The following RAPGEF4 variants were observed in gnomAD, a reference collection of about 807,000 sequenced individuals.
RAPGEF4 encodes the protein RAP guanine-nucleotide-exchange factor (GEF) 4.
Under a neutral mutation model 147.9 loss-of-function variants are expected in RAPGEF4, and 66 were observed. That is an observed-to-expected ratio of 0.45 (90% CI 0.37 to 0.55). RAPGEF4 has a LOEUF of 0.55. Among genes scored for constraint, RAPGEF4 ranks in the 20% least tolerant of loss-of-function variants. The probability of loss-of-function intolerance (pLI) is 0.00; values close to 1 mark genes in which losing one functional copy is unlikely to be tolerated. For missense variants in RAPGEF4, 1,071 were observed against 1,257.3 expected (o/e 0.85, Z 2.24); for synonymous variants, 419 against 442.7 (o/e 0.95, Z 0.67).
intron 4 of RAPGEF4, among the ~76,000 whole-genome samples, chr2:172,823,532 G>A (rs1689321520): frequency 1.3e-5 from 2 of 152,188 alleles, no homozygotes; most frequent in African/African-American, 4.8e-5. Flanking sequence ...TGAGGACTGG[G>A]GGATACTGTT....
intron 3 of RAPGEF4, among the ~76,000 whole-genome samples, chr2:172,799,831 T>C (rs952032915): frequency 2.0e-5 from 3 of 152,164 alleles, no homozygotes; most frequent in African/African-American, 7.2e-5. Flanking sequence ...AAGGGGATGA[T>C]ACATAACACC....
intron 1 of RAPGEF4, among the ~76,000 whole-genome samples, chr2:172,769,781 A>T (rs187676981): frequency 5.3e-5 from 8 of 152,206 alleles, no homozygotes; most frequent in Non-Finnish European, 1.0e-4. Flanking sequence ...ATTTTAAAAT[A>T]TAAGTATGTT....
intron 4 of RAPGEF4, among the ~76,000 whole-genome samples, chr2:172,896,155 G>A (rs1241097933): frequency 6.6e-6 from 1 of 152,140 alleles, no homozygotes; most frequent in Admixed American, 6.5e-5. Flanking sequence ...ATAAGAAAAC[G>A]GAAGCTACTG....
At chr2:172,914,642 T>C (rs558945770) in intron 4 of RAPGEF4, among the ~76,000 whole-genome samples, 1 of 151,052 alleles carries the variant, frequency 6.6e-6, no homozygotes, top group East Asian at 1.9e-4. Context: ...GAAAGAAATA[T>C]AGAAAGAAAG....
intron 4 of RAPGEF4, among the ~76,000 whole-genome samples, chr2:172,875,783 G>T (rs1695845921): frequency 6.6e-6 from 1 of 152,200 alleles, no homozygotes; most frequent in Admixed American, 6.5e-5. Flanking sequence ...AGTGAAGAAA[G>T]TCATTGATGT....
intron 4 of RAPGEF4, among the ~76,000 whole-genome samples, chr2:172,895,437 G>A (rs1489198665): frequency 6.6e-6 from 1 of 151,914 alleles, no homozygotes; most frequent in East Asian, 1.9e-4. Flanking sequence ...ACTCTGCTTT[G>A]GGGAAAGATC....
At chr2:172,810,239 C>A (rs1396370099) in intron 3 of RAPGEF4, among the ~76,000 whole-genome samples, 1 of 152,190 alleles carries the variant, frequency 6.6e-6, no homozygotes, top group East Asian at 1.9e-4. Context: ...TTTGCTCAAC[C>A]TATAAAATAG....
intron 9 of RAPGEF4, among the ~76,000 whole-genome samples, chr2:172,966,513 T>A (rs1006301460): frequency 1.3e-5 from 2 of 152,184 alleles, no homozygotes; most frequent in Non-Finnish European, 2.9e-5. Context: ...CAGCAAGGGA[T>A]CTACTGCTTG....
chr2:173,045,813 G>C (rs2106075191), intron 29 of RAPGEF4, among the ~76,000 whole-genome samples: 1 of 152,302 alleles, frequency 6.6e-6, no homozygotes, highest in Middle Eastern at 3.4e-3. Context: ...CTGTTTATAG[G>C]CAGGCTGTAG....
intron 1 of RAPGEF4, among the ~76,000 whole-genome samples, chr2:172,751,999 C>G (rs1261311382): frequency 6.6e-6 from 1 of 152,246 alleles, no homozygotes; most frequent in East Asian, 1.9e-4. Flanking sequence ...TTAGTTTTTT[C>G]TGATAATAAT....
At chr2:172,823,283 C>T (rs564814586) in intron 4 of RAPGEF4, among the ~76,000 whole-genome samples, 45 of 152,348 alleles carry the variant, frequency 3.0e-4, no homozygotes, top group African/African-American at 1.1e-3. Flanking sequence ...GGCTGGGCTT[C>T]TTCACTCTGT....
intron 17 of RAPGEF4, among the ~76,000 whole-genome samples, chr2:173,011,210 G>A (rs1480551587): frequency 2.0e-5 from 2 of 99,654 alleles, no homozygotes; most frequent in Non-Finnish European, 4.6e-5. Context: ...ACACACACAC[G>A]GAATCTCTTT....
At position 172,814,697 on chromosome 2, in the gene RAPGEF4, G is replaced by A. The variant is rs1015417155; in HGVS notation, c.444+272G>A. 5 of 433,474 alleles carry A rather than the reference G, an allele frequency of 1.2e-5. No individual in the cohort carries two copies. In the East Asian group the frequency reaches 2.4e-4, roughly 20 times the overall value. 26.9% of individuals were successfully genotyped at this position (433,474 alleles called of 1,614,324 possible). On this transcript the variant is annotated intron_variant, in intron 4 of 30. Transcript: ENST00000397081. ...CTTGAATGACCATAGAGTGTTTTAT[G>A]TATTTTCTCCCTTCTTTTCCACAGA... is the stretch of plus-strand genomic sequence containing the variant.
intron 4 of RAPGEF4, among the ~76,000 whole-genome samples, chr2:172,823,121 C>T (rs193088480): frequency 1.1e-4 from 16 of 152,308 alleles, no homozygotes; most frequent in Non-Finnish European, 1.9e-4. Context: ...CCACCAAGGG[C>T]CTCGTTTCAT....
At chr2:173,010,084 A>C (rs1694864481) in intron 17 of RAPGEF4, among the ~76,000 whole-genome samples, 1 of 152,190 alleles carries the variant, frequency 6.6e-6, no homozygotes, top group Non-Finnish European at 1.5e-5. Flanking sequence ...AAATCACTTA[A>C]ACTCATTCTG....
At chr2:172,819,461 C>CTTTTTT (rs1242605865) in intron 4 of RAPGEF4, among the ~76,000 whole-genome samples, 35,849 of 86,816 alleles carry the variant, frequency 0.41, 9,350 homozygotes, top group Non-Finnish European at 0.47. Context: ...ATTTTTAGTT[C>CTTTTTT]TTTTTTTTTT....
At chr2:172,921,351 G>A (rs934295367) in intron 5 of RAPGEF4, among the ~76,000 whole-genome samples, 2 of 152,080 alleles carry the variant, frequency 1.3e-5, no homozygotes, top group South Asian at 2.1e-4. Context: ...GCCTCCCAAA[G>A]TTCTGGGACT....
At chr2:172,925,781 G>GAGAGAGAGAGAGAAAGAAAGAA (rs1685244055) in intron 6 of RAPGEF4, among the ~76,000 whole-genome samples, 2 of 70,040 alleles carry the variant, frequency 2.9e-5, no homozygotes, top group Admixed American at 1.7e-4. Flanking sequence ...GAAAGAAAGA[G>GAGAGAGAGAGAGAAAGAAAGAA]AGAGAGAGAG....
At chr2:172,781,250 C>G (rs1684650845) in intron 1 of RAPGEF4, among the ~76,000 whole-genome samples, 1 of 152,108 alleles carries the variant, frequency 6.6e-6, no homozygotes, top group Non-Finnish European at 1.5e-5. Flanking sequence ...TTGTAGCCTG[C>G]TAGGTGGCCC....
Sources: gnomAD v4.1 joint callset for allele counts (sites outside exome capture counted in the v4.1 genomes callset) on GRCh38, gnomAD v4.1.1 for gene constraint, MANE v1.5 for transcripts, NCBI Gene and HGNC (gene_info 2026-07-23, HGNC 2026-07-21) for gene names.